CHIC2: variants seen among roughly 807,000 people sequenced by gnomAD.
The protein encoded by CHIC2 is cysteine-rich hydrophobic domain-containing protein 2.
A neutral mutation model predicts 25.9 loss-of-function variants in CHIC2; 14 were observed. The ratio of observed to expected loss-of-function variants is 0.54; its 90% CI spans 0.36 to 0.85. CHIC2 has a LOEUF of 0.85. Among genes scored for constraint, CHIC2 ranks in the 40% least tolerant of loss-of-function variants. CHIC2 has a pLI of 0.01. For synonymous variants in CHIC2, 70 were observed against 72.0 expected, an observed-to-expected ratio of 0.97 and a Z score of 0.14; for missense variants, 146 against 202.0, an observed-to-expected ratio of 0.72 and a Z score of 1.68.
chr4:54,064,315 C>T lies in CHIC2; in HGVS notation c.-15G>A, dbSNP rs373121311. 66 of 1,613,036 alleles carry T rather than the reference C, an allele frequency of 4.1e-5. No homozygotes were observed. In the African/African-American group the frequency reaches 8.4e-4, roughly 21 times the overall value. ...AAATCCGCCATCCTGAGCCTCCGAG[C>T]TCCCCTGCCCAAAGGGCCTGACTCC... On this transcript the variant is annotated 5_prime_UTR_variant, in exon 1 of 6. Transcript: ENST00000263921. This position sits in a 1 kb window ranked among gnomAD's most constrained non-coding sequence, Gnocchi z 4.2.
At chr4:54,034,666 T>C (rs548550226) in intron 3 of CHIC2, among the ~76,000 whole-genome samples, 58 of 152,354 alleles carry the variant, frequency 3.8e-4, no homozygotes, top group African/African-American at 1.3e-3. Context: ...AAAGATTCTA[T>C]TGAATTTTCT....
At chr4:54,075,816 G>A in the CHIC2 span, among the ~76,000 whole-genome samples, 1 of 152,108 alleles carries the variant, frequency 6.6e-6, no homozygotes, top group African/African-American at 2.4e-5. Flanking sequence ...CCAAAATGCT[G>A]GGATTACAGA....
the CHIC2 span, among the ~76,000 whole-genome samples, chr4:54,079,947 A>G: frequency 6.6e-6 from 1 of 151,972 alleles, no homozygotes; most frequent in Non-Finnish European, 1.5e-5. Context: ...CAGTTCCTCA[A>G]AAAATTAAAA....
At chr4:54,029,051 AG>A (rs1180572464) in intron 3 of CHIC2, among the ~76,000 whole-genome samples, 1 of 150,404 alleles carries the variant, frequency 6.6e-6, no homozygotes, top group Non-Finnish European at 1.5e-5. Flanking sequence ...CGAACTGGGG[AG>A]GTGGAGATTG....
At chr4:54,037,399 A>T (rs973232329) in intron 3 of CHIC2, among the ~76,000 whole-genome samples, 2 of 152,132 alleles carry the variant, frequency 1.3e-5, no homozygotes, top group African/African-American at 4.8e-5. Context: ...AAAAGAATGC[A>T]CATTGTATGA....
the CHIC2 span, among the ~76,000 whole-genome samples, chr4:54,081,419 A>G: frequency 6.6e-6 from 1 of 152,084 alleles, no homozygotes; most frequent in East Asian, 1.9e-4. Flanking sequence ...CATGGCAGAC[A>G]CTTGATGAAT....
At position 54,064,104 on chromosome 4, in the gene CHIC2, G is replaced by T. The variant is rs1577991625; in HGVS notation, c.119+78C>A. The stretch of plus-strand genomic sequence containing the variant: ...AGGCCCCCGACACCAGACGGACACA[G>T]GGGAAACGGGGCTCCCGTGGAGTAA... On this transcript the variant is annotated intron_variant, in intron 1 of 5. Coordinates refer to ENST00000263921, the MANE Select transcript of CHIC2 (RefSeq NM_012110.4). The surrounding 1 kb of genome is among the most constrained non-coding windows in gnomAD (Gnocchi z 4.2). The T allele has an allele frequency of 2.0e-6, 1 of 510,160 alleles. No individual in the cohort carries two copies. 31.6% of individuals were successfully genotyped at this position (510,160 alleles called of 1,614,324 possible).
At chr4:54,052,124 C>CT (rs33981108) in intron 1 of CHIC2, among the ~76,000 whole-genome samples, 13 of 61,436 alleles carry the variant, frequency 2.1e-4, no homozygotes, top group Admixed American at 8.1e-4. Context: ...CTGCCAAAAC[C>CT]TTTTTTTTTA....
At chr4:54,043,998 G>C (rs1428988588) in intron 3 of CHIC2, among the ~76,000 whole-genome samples, 1 of 152,142 alleles carries the variant, frequency 6.6e-6, no homozygotes, top group Non-Finnish European at 1.5e-5. Flanking sequence ...GGCAGGGGTT[G>C]CAATCCTAGT....
intron 3 of CHIC2, among the ~76,000 whole-genome samples, chr4:54,037,514 A>G: frequency 6.6e-6 from 1 of 152,194 alleles, no homozygotes; most frequent in East Asian, 1.9e-4. Flanking sequence ...TATGTTCACT[A>G]TCTTGATGCA....
intron 3 of CHIC2, among the ~76,000 whole-genome samples, chr4:54,043,339 T>C (rs961898831): frequency 3.4e-5 from 5 of 147,848 alleles, no homozygotes; most frequent in African/African-American, 1.3e-4. Context: ...GAGAATGGCG[T>C]GAACACGGGA....
In CHIC2 at chr4:54,064,264, C is replaced by T. The variant is rs1305110334; in HGVS notation, c.37G>A (p.Asp13Asn). The T allele has an allele frequency of 6.2e-7, 1 of 1,612,458 alleles. No individual in the cohort carries two copies. Among genetic ancestry groups the T allele is most frequent in the Non-Finnish European group, 8.5e-7 (1 of 1,179,270 alleles). The change falls in exon 1 of 6, where the codon GAC (aspartate) becomes AAC (asparagine). Residue 13 changes from aspartate to asparagine, a missense_variant. Asp to Asn is a conservative substitution (Grantham distance 23, BLOSUM62 1). Coordinates refer to ENST00000263921, the MANE Select transcript of CHIC2 (RefSeq NM_012110.4). The surrounding 1 kb of genome is among the most constrained non-coding windows in gnomAD (Gnocchi z 4.2). The part of the protein sequence containing the change: ...DFDEIYEEEE[D>N]EERALEEQLL... ...TGCTCCTCCAGGGCCCGCTCCTCGT[C>T]CTCCTCTTCCTCATAGATTTCGTCG...
chr4:54,091,771 G>A, the CHIC2 span, among the ~76,000 whole-genome samples: 2 of 152,004 alleles, frequency 1.3e-5, no homozygotes, highest in African/African-American at 2.4e-5. Flanking sequence ...ACACCATCAC[G>A]CCCACGTACC....
the CHIC2 span, chr4:54,087,271 C>A: frequency 1.7e-6 from 1 of 596,554 alleles, no homozygotes; most frequent in South Asian, 2.1e-5. Flanking sequence ...CATTTAAGAA[C>A]AGAATGGAAG....
chr4:54,014,039 G>A lies in CHIC2; in HGVS notation c.387+24C>T, dbSNP rs375384569. ...TGTGCAATTCAGACCCCAACAGTAC[G>A]AAGCTGCTCCCTGTGGTACTCACCT... is the stretch of plus-strand genomic sequence containing the variant. On this transcript the variant is annotated intron_variant, in intron 4 of 5. Transcript: ENST00000263921. The A allele has an allele frequency of 1.6e-5, 25 of 1,611,776 alleles. No individual in the cohort carries two copies. The Admixed American group carries it at 2.0e-4, about 13-fold the overall frequency.
intron 1 of CHIC2, among the ~76,000 whole-genome samples, chr4:54,054,381 T>C (rs1367098998): frequency 6.6e-6 from 1 of 152,236 alleles, no homozygotes; most frequent in Non-Finnish European, 1.5e-5. Flanking sequence ...TTTGAACTCA[T>C]AACGAATTTT....
Position 54,052,941 on chromosome 4 carries a change from T to C in CHIC2, c.120-3636A>G, listed in dbSNP as rs1030065662. On this transcript the variant is annotated intron_variant, in intron 1 of 5. Coordinates refer to ENST00000263921, the MANE Select transcript of CHIC2 (RefSeq NM_012110.4). ...ATCTTTATTCACAAATATAAATATG[T>C]ATCTATTTACAACATTTTAGGAATG... Among the ~76,000 whole-genome samples the C allele has an allele frequency of 3.9e-5, 6 of 152,314 alleles. No individual in the cohort carries two copies. The South Asian group carries it at 1.0e-3, about 26-fold the overall frequency.
the CHIC2 span, among the ~76,000 whole-genome samples, chr4:54,072,321 T>C: frequency 6.6e-6 from 1 of 151,954 alleles, no homozygotes; most frequent in Non-Finnish European, 1.5e-5. Flanking sequence ...AAAAAGTATC[T>C]TTTAAATCAA....
intron 3 of CHIC2, among the ~76,000 whole-genome samples, chr4:54,019,841 G>A (rs1244745460): frequency 6.6e-6 from 1 of 151,984 alleles, no homozygotes; most frequent in Non-Finnish European, 1.5e-5. Context: ...GGTTGGGGCA[G>A]GGTGCAGGAA....
Sources: allele counts gnomAD v4.1 joint callset (sites outside exome capture counted in the v4.1 genomes callset), GRCh38; gene constraint gnomAD v4.1.1; non-coding constraint Gnocchi (gnomAD v3.1); transcripts MANE v1.5; gene names NCBI Gene and HGNC (gene_info 2026-07-23, HGNC 2026-07-21).